The following TRAP1 variants were observed in gnomAD, a reference collection of about 807,000 sequenced individuals.
TRAP1 encodes TNF receptor associated protein 1.
Under a neutral mutation model 89.1 loss-of-function variants are expected in TRAP1, and 102 were observed. That is an observed-to-expected ratio of 1.15 (90% CI 0.98 to 1.35). The LOEUF is 1.35. Ranked by LOEUF, TRAP1 falls within the 40% of genes most tolerant of loss-of-function variation. The pLI is 0.00. For synonymous variants in TRAP1, 508 were observed against 388.0 expected, an observed-to-expected ratio of 1.31 and a Z score of -3.64; for missense variants, 1,256 against 945.3, an observed-to-expected ratio of 1.33 and a Z score of -4.31.
At chr16:3,693,513 G>C (rs2051244792) in intron 1 of TRAP1, among the ~76,000 whole-genome samples, 1 of 152,140 alleles carries the variant, frequency 6.6e-6, no homozygotes, top group African/African-American at 2.4e-5. Flanking sequence ...CCAAAGCACA[G>C]CCAGCCCTGG....
At chr16:3,716,854 G>C (rs1324875450) in intron 1 of TRAP1, among the ~76,000 whole-genome samples, 1 of 152,182 alleles carries the variant, frequency 6.6e-6, no homozygotes, top group Non-Finnish European at 1.5e-5. Context: ...CCTGCTCTGG[G>C]GACCCGGATG....
chr16:3,714,520 G>A (rs1485701335), intron 1 of TRAP1, among the ~76,000 whole-genome samples: 1 of 152,170 alleles, frequency 6.6e-6, no homozygotes, highest in Non-Finnish European at 1.5e-5. Flanking sequence ...CTAGCTGGGT[G>A]TGGTGGCATG....
At chr16:3,708,061 C>T (rs1384765852) in intron 1 of TRAP1, among the ~76,000 whole-genome samples, 1 of 152,002 alleles carries the variant, frequency 6.6e-6, no homozygotes, top group Admixed American at 6.6e-5. Context: ...GTGGCACATG[C>T]TCCTTGGGAG....
Position 3,705,988 on chromosome 16 carries a change from C to T in TRAP1, c.88+11433G>A, listed in dbSNP as rs112332500. ...GATTACAGGCGTGAGCCACCAGTCC[C>T]GGCCCTTTTTTTCTTTTTTTTTTTT... On this transcript the variant is annotated intron_variant, in intron 1 of 17. Transcript: ENST00000246957. Among the ~76,000 whole-genome samples, 38 of 150,494 alleles carry T rather than the reference C, an allele frequency of 2.5e-4. No individual in the cohort carries two copies. The East Asian group carries it at 4.7e-3, about 18-fold the overall frequency.
At chr16:3,715,641 C>G (rs367722240) in intron 1 of TRAP1, among the ~76,000 whole-genome samples, 5 of 151,884 alleles carry the variant, frequency 3.3e-5, no homozygotes, top group Admixed American at 1.3e-4. Context: ...ACAAAAGAAA[C>G]GAGAACCAAA....
At chr16:3,663,866 G>T (rs1365689331) in intron 13 of TRAP1, 1 of 397,094 alleles carries the variant, frequency 2.5e-6, no homozygotes, top group Non-Finnish European at 4.6e-6. Context: ...GAGGTCAGGA[G>T]TTCGAGACCA....
intron 6 of TRAP1, chr16:3,676,423 G>A (rs541592432): frequency 3.1e-4 from 76 of 244,894 alleles, no homozygotes; most frequent in Non-Finnish European, 4.4e-4. Flanking sequence ...AGAAGCTTCT[G>A]GGCTTACCCC....
chr16:3,665,830 T>C, intron 12 of TRAP1, 141 bp downstream of exon 12: 3 of 1,106,566 alleles, frequency 2.7e-6, no homozygotes, highest in Non-Finnish European at 2.5e-6. Flanking sequence ...GCCTTCCATT[T>C]CCTGACCCTG....
chr16:3,674,252 A>C, intron 9 of TRAP1, 87 bp downstream of exon 9: 1 of 1,532,402 alleles, frequency 6.5e-7, no homozygotes. Flanking sequence ...TCACACTGCC[A>C]TGTTAATCAT....
Position 3,662,925 on chromosome 16 carries a change from G to T in TRAP1, c.1751C>A (p.Ala584Asp). The T allele has an allele frequency of 1.2e-6, 2 of 1,613,036 alleles. No individual in the cohort carries two copies. Among genetic ancestry groups the T allele is most frequent in the Non-Finnish European group, 1.7e-6 (2 of 1,180,000 alleles). The change falls in exon 15 of 18, where the codon GCC (alanine) becomes GAC (aspartate). Residue 584 changes from alanine (A) to aspartate (D), a missense_variant. Physicochemically the swap from Ala to Asp is moderately radical, Grantham distance 126. Transcript: ENST00000246957. ...CGACCCCAGCACATTTCTCATCCAGGCCATGAGCTCCTCCGTCTCCTTCTC... is the reference window on the plus strand; with the variant it reads ...CGACCCCAGCACATTTCTCATCCAGTCCATGAGCTCCTCCGTCTCCTTCTC... Reference protein sequence around the residue: ...LSEKETEELMAWMRNVLGSRV... With the variant: ...LSEKETEELMDWMRNVLGSRV...
At chr16:3,695,915 G>A (rs1670440551) in intron 1 of TRAP1, among the ~76,000 whole-genome samples, 1 of 152,164 alleles carries the variant, frequency 6.6e-6, no homozygotes, top group African/African-American at 2.4e-5. Context: ...AACCCTGCGG[G>A]GCGGCACTGG....
intron 1 of TRAP1, among the ~76,000 whole-genome samples, chr16:3,709,959 T>G (rs1290941406): frequency 6.6e-6 from 1 of 152,150 alleles, no homozygotes; most frequent in Non-Finnish European, 1.5e-5. Flanking sequence ...GAGAAGATTC[T>G]TAAGTACATG....
chr16:3,664,553 T>G (rs528604684), intron 12 of TRAP1, 94 bp from the exon 13 acceptor site: 1 of 1,339,262 alleles, frequency 7.5e-7, no homozygotes. Flanking sequence ...GCCCATGGCC[T>G]CCTGGCACTC....
At chr16:3,717,370 C>G in intron 1 of TRAP1, 51 bp downstream of exon 1, 1 of 739,946 alleles carries the variant, frequency 1.4e-6, no homozygotes, top group African/African-American at 1.8e-5. Context: ...ACGTCCCTGC[C>G]GTCTCCGTGG....
At chr16:3,692,425 A>C (rs1411596516) in intron 1 of TRAP1, among the ~76,000 whole-genome samples, 1 of 151,150 alleles carries the variant, frequency 6.6e-6, no homozygotes, top group African/African-American at 2.4e-5. Context: ...AATCCCAGCT[A>C]CTCGGGAGAC....
chr16:3,697,005 C>T (rs965639992), intron 1 of TRAP1, among the ~76,000 whole-genome samples: 30 of 152,126 alleles, frequency 2.0e-4, no homozygotes, highest in African/African-American at 4.8e-4. Flanking sequence ...GGATTAGAGC[C>T]GTAAGACACC....
chr16:3,685,986 A>C lies in TRAP1; in HGVS notation c.471+10T>G. ...GGGCCTGCCACACGCCTGGACACTG[A>C]GGGAGGTACCTGGATGGTGATGGTG... On this transcript the variant is annotated intron_variant, in intron 4 of 17. Transcript: ENST00000246957. 1 of 1,613,210 alleles carries C rather than the reference A, an allele frequency of 6.2e-7. No homozygotes were observed. The highest frequency in any genetic ancestry group is 8.5e-7 in the Non-Finnish European group (1 of 1,179,596).
chr16:3,658,671 C>CAA, intron 17 of TRAP1, 122 bp downstream of exon 17: 1 of 885,036 alleles, frequency 1.1e-6, no homozygotes. Context: ...CACTCCATCT[C>CAA]AAAAAACAAA....
chr16:3,717,373 C>T (rs1055896145), intron 1 of TRAP1, 48 bp downstream of exon 1: 1 of 792,436 alleles, frequency 1.3e-6, no homozygotes, highest in Non-Finnish European at 1.7e-6. Flanking sequence ...TCCCTGCCGT[C>T]TCCGTGGCCC....
Sources: allele counts gnomAD v4.1 joint callset (sites outside exome capture counted in the v4.1 genomes callset), GRCh38; gene constraint gnomAD v4.1.1; transcripts MANE v1.5; gene names NCBI Gene and HGNC (gene_info 2026-07-23, HGNC 2026-07-21).